The following CALCB variants were observed in gnomAD, a reference collection of about 807,000 sequenced individuals.
CALCB encodes the protein calcitonin related polypeptide beta, also known as calcitonin gene-related peptide 2.
Under a neutral mutation model 10.7 loss-of-function variants are expected in CALCB, and 8 were observed. The ratio of observed to expected loss-of-function variants is 0.75; its 90% CI spans 0.44 to 1.34. CALCB has a LOEUF of 1.34. Among genes scored for constraint, CALCB ranks in the 40% most tolerant of loss-of-function variants. CALCB has a pLI of 0.01. For synonymous variants in CALCB, 76 were observed against 66.9 expected, an observed-to-expected ratio of 1.14 and a Z score of -0.66; for missense variants, 176 against 162.5, an observed-to-expected ratio of 1.08 and a Z score of -0.45.
intron 3 of CALCB, 27 bp from the exon 4 acceptor site, chr11:15,077,259 C>T (rs1565230311): frequency 1.2e-5 from 19 of 1,610,476 alleles, no homozygotes; most frequent in Non-Finnish European, 1.6e-5. Context: ...CACAGGTCTT[C>T]TCTTCTTTCT....
At chr11:15,075,000 T>C in intron 2 of CALCB, 61 bp from the exon 3 acceptor site, 1 of 1,592,100 alleles carries the variant, frequency 6.3e-7, no homozygotes. Flanking sequence ...CCTGGCTGCC[T>C]ATCCTGGGGA....
chr11:15,075,268 G>C, intron 3 of CALCB, 70 bp downstream of exon 3: 1 of 1,608,520 alleles, frequency 6.2e-7, no homozygotes. Context: ...TGGATCCCAA[G>C]AGGCAGGAGA....
At chr11:15,073,906 G>A (rs141420002) in intron 1 of CALCB, among the ~76,000 whole-genome samples, 2 of 152,260 alleles carry the variant, frequency 1.3e-5, no homozygotes, top group East Asian at 1.9e-4. Context: ...CGCTGGAAGC[G>A]CAGCGAGCGG....
chr11:15,077,274 C>A lies in CALCB; in HGVS notation c.225-12C>A, dbSNP rs758014770. The stretch of plus-strand genomic sequence containing the variant: ...CACAGGTCTTCTCTTCTTTCTCTAT[C>A]TTGCAAATCAGCTCCGCTGCCCAGA... On this transcript the variant is annotated splice_polypyrimidine_tract_variant and intron_variant, in intron 3 of 4. Transcript: ENST00000324229. 4 of 1,612,494 alleles carry A rather than the reference C, an allele frequency of 2.5e-6. No homozygotes were observed. The highest frequency in any genetic ancestry group is 3.4e-5 in the Admixed American group (2 of 59,640).
At chr11:15,074,045 C>T (rs914881530) in intron 1 of CALCB, among the ~76,000 whole-genome samples, 1 of 152,232 alleles carries the variant, frequency 6.6e-6, no homozygotes, top group Non-Finnish European at 1.5e-5. Flanking sequence ...AGGTCGGAAC[C>T]CTGAGCTTTC....
intron 2 of CALCB, 126 bp downstream of exon 2, chr11:15,074,930 G>T: frequency 7.1e-7 from 1 of 1,401,924 alleles, no homozygotes; most frequent in Non-Finnish European, 1.0e-6. Context: ...CTGGCCTCAT[G>T]CCCGTCCCCT....
intron 3 of CALCB, 53 bp from the exon 4 acceptor site, chr11:15,077,233 C>T: frequency 6.3e-7 from 1 of 1,595,166 alleles, no homozygotes; most frequent in Non-Finnish European, 8.6e-7. Flanking sequence ...GAAGGCTCCT[C>T]CCCCAGCTTT....
intron 1 of CALCB, 27 bp from the exon 2 acceptor site, chr11:15,074,683 A>G: frequency 6.4e-7 from 1 of 1,553,792 alleles, no homozygotes; most frequent in Non-Finnish European, 8.9e-7. Context: ...GTGCTGGTGC[A>G]GTAGTAACGT....
At chr11:15,073,930 T>C (rs1590301433) in intron 1 of CALCB, among the ~76,000 whole-genome samples, 1 of 152,254 alleles carries the variant, frequency 6.6e-6, no homozygotes, top group African/African-American at 2.4e-5. Context: ...TAGGCGGGTC[T>C]GCAGCCCTGG....
Position 15,074,776 on chromosome 11 carries a change from G to A in CALCB, c.58G>A (p.Ala20Thr), listed in dbSNP as rs980235610. Residue 20 changes from alanine to threonine, a missense_variant, in exon 2 of 5, where the codon GCG (alanine) becomes ACG (threonine). Transcript: ENST00000324229. Reference protein sequence around the residue: ...LALSILVLYQAGSLQAAPFRS... With the variant: ...LALSILVLYQTGSLQAAPFRS... The stretch of plus-strand genomic sequence containing the variant: ...TCTCAGTATCTTGGTCCTGTACCAG[G>A]CGGGCAGCCTCCAGGCGGCGCCATT... 6.2e-7 allele frequency: 1 copy of A among 1,613,896 alleles called. No homozygotes were observed. Among genetic ancestry groups the A allele is most frequent in the African/African-American group, 1.3e-5 (1 of 74,906 alleles).
At chr11:15,077,780 T>C (rs928110509) in intron 4 of CALCB, among the ~76,000 whole-genome samples, 2 of 152,212 alleles carry the variant, frequency 1.3e-5, no homozygotes, top group African/African-American at 4.8e-5. Flanking sequence ...GGCTCAACCC[T>C]TGACTACAGA....
At position 15,078,347 on chromosome 11, in the gene CALCB, C is replaced by A. The variant is rs931932571; in HGVS notation, c.*290C>A. 1 of 152,212 alleles carries A rather than the reference C, an allele frequency of 6.6e-6. No homozygotes were observed. The highest frequency in any genetic ancestry group is 1.5e-5 in the Non-Finnish European group (1 of 68,034). The allele number at this position is 152,212 out of a possible 1,614,324, so 9.4% of individuals were successfully genotyped here. A position where few individuals can be genotyped will look rare whatever the true frequency, so the allele number is the denominator to read the frequency against. On this transcript the variant is annotated 3_prime_UTR_variant, in exon 5 of 5. Transcript: ENST00000324229. ...AGCAAACTGGTTCTTTCGGAGCCAT[C>A]CTGTTGATCATGCAGCTCCACCAAA... is the stretch of plus-strand genomic sequence containing the variant.
rs534656970 is a variant in CALCB, at chr11:15,077,365, G to A, written c.304G>A (p.Gly102Ser). The A allele has an allele frequency of 6.2e-7, 1 of 1,614,234 alleles. No individual in the cohort carries two copies. Among genetic ancestry groups the A allele is most frequent in the African/African-American group, 1.3e-5 (1 of 75,060 alleles). ...RLAGLLSRSGGMVKSNFVPTN... is the reference protein window; with the variant it reads ...RLAGLLSRSGSMVKSNFVPTN... ...GGCAGGCTTGCTGAGCAGATCAGGG[G>A]GCATGGTGAAGAGCAACTTCGTGCC... The change falls in exon 4 of 5, where the codon GGC (glycine) becomes AGC (serine). Residue 102 changes from glycine (G) to serine (S), a missense_variant. Physicochemically the swap from Gly to Ser is moderately conservative, Grantham distance 56. Transcript: ENST00000324229.
Position 15,074,727 on chromosome 11 carries a change from C to T in CALCB, c.9C>T (p.Phe3=), listed in dbSNP as rs1055368526. The T allele has an allele frequency of 6.2e-7, 1 of 1,613,970 alleles. No homozygotes were observed. MG[F]RKFSPFLALS... is the part of the protein sequence containing the mutation. ...CTTTACAGAGAGGCGGCATGGGTTTCCGGAAGTTCTCCCCCTTCCTGGCTC... is the reference window on the plus strand; with the variant it reads ...CTTTACAGAGAGGCGGCATGGGTTTTCGGAAGTTCTCCCCCTTCCTGGCTC... The change falls in exon 2 of 5, where the codon TTC becomes TTT. Residue 3 remains phenylalanine, a synonymous_variant. Coordinates refer to ENST00000324229, the MANE Select transcript of CALCB (RefSeq NM_000728.4).
At chr11:15,077,524 C>G in intron 4 of CALCB, 54 bp downstream of exon 4, 1 of 1,548,804 alleles carries the variant, frequency 6.5e-7, no homozygotes, top group Non-Finnish European at 8.8e-7. Flanking sequence ...GAGTTAAAAC[C>G]TACATTTTGA....
chr11:15,075,069 T>C lies in CALCB; in HGVS notation c.95T>C (p.Leu32Pro). Residue 32 changes from leucine to proline, a missense_variant, in exon 3 of 5, where the codon CTG becomes CCG. Leu to Pro is a moderately conservative substitution (Grantham distance 98, BLOSUM62 -3). Coordinates refer to ENST00000324229, the MANE Select transcript of CALCB (RefSeq NM_000728.4). ...SLQAAPFRSA[L>P]ESSPDPATLS... ...TTGCTTCCCTTCCACAGGTCTGCCC[T>C]GGAGAGCAGCCCAGACCCGGCCACA... The C allele has an allele frequency of 1.2e-6, 2 of 1,614,168 alleles. No individual in the cohort carries two copies. Among genetic ancestry groups the C allele is most frequent in the East Asian group, 2.2e-5 (1 of 44,878 alleles).
At position 15,077,289 on chromosome 11, in the gene CALCB, C is replaced by A. The variant is rs748693641; in HGVS notation, c.228C>A (p.Ser76=). 11 of 1,613,688 alleles carry A rather than the reference C, an allele frequency of 6.8e-6. No homozygotes were observed. Among genetic ancestry groups the A allele is most frequent in the Non-Finnish European group, 8.5e-6 (10 of 1,179,848 alleles). ...KQEQETQGSS[S]AAQKRACNTA... ...CTTTCTCTATCTTGCAAATCAGCTC[C>A]GCTGCCCAGAAGAGAGCCTGCAACA... Residue 76 remains serine (S), a synonymous_variant, in exon 4 of 5, where the codon TCC becomes TCA. Transcript: ENST00000324229.
At chr11:15,075,287 T>C in intron 3 of CALCB, 89 bp downstream of exon 3, 5 of 1,592,808 alleles carry the variant, frequency 3.1e-6, no homozygotes, top group Admixed American at 1.7e-5. Flanking sequence ...GAGAACACAC[T>C]GGCAAGGGGT....
chr11:15,075,436 G>A (rs888929824), intron 3 of CALCB, among the ~76,000 whole-genome samples: 45 of 152,194 alleles, frequency 3.0e-4, no homozygotes, highest in Non-Finnish European at 7.3e-5. Context: ...CATAGATGTA[G>A]AAGCTTTTTC....
Sources: allele counts gnomAD v4.1 joint callset (sites outside exome capture counted in the v4.1 genomes callset), GRCh38; gene constraint gnomAD v4.1.1; transcripts MANE v1.5; gene names NCBI Gene and HGNC (gene_info 2026-07-23, HGNC 2026-07-21).